Variants in TLK2 observed in about 807,000 individuals in gnomAD.
TLK2 encodes the protein tousled like kinase 2, also known as serine/threonine-protein kinase tousled-like 2.
In TLK2, 6 loss-of-function variants were observed where a neutral mutation model predicts 117.3. The ratio of observed to expected loss-of-function variants is 0.05; its 90% CI spans 0.03 to 0.10. The LOEUF is 0.10. Ranked by LOEUF, TLK2 falls within the 10% of genes least tolerant of loss-of-function variation. The pLI, the probability that TLK2 is intolerant of heterozygous loss-of-function variation, is 1.00. For synonymous variants in TLK2, 257 were observed against 316.7 expected (o/e 0.81, Z 2.00); for missense variants, 299 against 901.2 (o/e 0.33, Z 8.56).
chr17:62,614,025 G>A lies in TLK2; in HGVS notation c.*1460G>A, dbSNP rs2083962018. 1 of 151,280 alleles carries A rather than the reference G, an allele frequency of 6.6e-6. No homozygotes were observed. The highest frequency in any genetic ancestry group is 1.5e-5 in the Non-Finnish European group (1 of 67,906). The allele number at this position is 151,280 out of a possible 1,614,324, so 9.4% of individuals were successfully genotyped here. On this transcript the variant is annotated 3_prime_UTR_variant, in exon 22 of 22. Transcript: ENST00000346027. ...TCTAGTCCCAGCTACCCGGGAGGCT[G>A]AGGCAGGAGAATTTCTGGAACCCAG...
At chr17:62,496,812 C>T (rs1273681022) in intron 2 of TLK2, among the ~76,000 whole-genome samples, 1 of 151,870 alleles carries the variant, frequency 6.6e-6, no homozygotes, top group African/African-American at 2.4e-5. Flanking sequence ...AAAAAATTAG[C>T]TGGGCATGGT....
At chr17:62,542,280 A>G (rs1048673356) in intron 7 of TLK2, among the ~76,000 whole-genome samples, 9 of 152,128 alleles carry the variant, frequency 5.9e-5, no homozygotes, top group Non-Finnish European at 4.4e-5. Flanking sequence ...TGTGTTCCTT[A>G]TTTAATCTTA....
chr17:62,506,755 A>C (rs1319024434), intron 2 of TLK2, among the ~76,000 whole-genome samples: 1 of 152,108 alleles, frequency 6.6e-6, no homozygotes, highest in Non-Finnish European at 1.5e-5. Flanking sequence ...TTAAATATTG[A>C]ATTTGTTCTC....
At chr17:62,561,082 G>GT (rs1002883808) in intron 10 of TLK2, among the ~76,000 whole-genome samples, 2 of 151,928 alleles carry the variant, frequency 1.3e-5, no homozygotes, top group African/African-American at 4.8e-5. Context: ...GCAGTGTTTG[G>GT]TTTTTTTGTC....
intron 16 of TLK2, among the ~76,000 whole-genome samples, chr17:62,591,389 T>C (rs1461069926): frequency 4.6e-5 from 7 of 150,790 alleles, no homozygotes; most frequent in Non-Finnish European, 1.0e-4. Context: ...GGAGCTACTT[T>C]GGAATTGAGG....
rs899865122 is a variant in TLK2, at chr17:62,483,833, G to GT, written c.81+2637dup. Among the ~76,000 whole-genome samples, 123 of 145,414 alleles carry GT rather than the reference G, an allele frequency of 8.5e-4. 1 individual carries two copies. Among genetic ancestry groups the GT allele is most frequent in the South Asian group, 4.6e-3 (21 of 4,522 alleles). On this transcript the variant is annotated intron_variant, in intron 2 of 21. Coordinates refer to ENST00000346027, the MANE Select transcript of TLK2 (RefSeq NM_006852.6). ...TCCAGTTGTTTTTATTCCATTAGTT[G>GT]TTTTTTTTTTGAGACAGAGTTTTGC... is the stretch of plus-strand genomic sequence containing the variant.
At chr17:62,576,897 T>G in intron 13 of TLK2, 122 bp downstream of exon 13, 1 of 691,036 alleles carries the variant, frequency 1.4e-6, no homozygotes, top group Non-Finnish European at 2.6e-6. Context: ...AAAGCTTCAG[T>G]GACTGCTTTC....
At chr17:62,548,240 A>G (rs2465442) in intron 7 of TLK2, among the ~76,000 whole-genome samples, 67,876 of 121,662 alleles carry the variant, frequency 0.56, 22,200 homozygotes, top group Non-Finnish European at 0.72. Flanking sequence ...ATATATATAT[A>G]TGTGTGTGTG....
intron 6 of TLK2, among the ~76,000 whole-genome samples, chr17:62,533,472 GT>G (rs2076897049): frequency 6.8e-6 from 1 of 147,848 alleles, no homozygotes. Flanking sequence ...CTGTGTGTGT[GT>G]GTGTAATTTT....
intron 7 of TLK2, among the ~76,000 whole-genome samples, chr17:62,540,587 T>C (rs1199744360): frequency 1.3e-5 from 2 of 149,490 alleles, no homozygotes; most frequent in Non-Finnish European, 3.0e-5. Context: ...TTAGTAGAGA[T>C]AGGGTTTCAC....
At chr17:62,603,862 T>C (rs935146819) in intron 19 of TLK2, among the ~76,000 whole-genome samples, 2 of 152,202 alleles carry the variant, frequency 1.3e-5, no homozygotes, top group Non-Finnish European at 2.9e-5. Flanking sequence ...AATACTGTCA[T>C]AATCACTATC....
intron 9 of TLK2, among the ~76,000 whole-genome samples, chr17:62,556,662 T>A (rs368026173): frequency 1.3e-5 from 2 of 152,224 alleles, no homozygotes; most frequent in Admixed American, 6.5e-5. Context: ...CACCATAATT[T>A]GTTAAATATT....
chr17:62,523,231 A>T (rs919691616), intron 5 of TLK2, 54 bp downstream of exon 5: 15 of 1,573,850 alleles, frequency 9.5e-6, no homozygotes, highest in Non-Finnish European at 1.2e-5. Context: ...AAAAAACTCT[A>T]TAGTGATTTT....
intron 7 of TLK2, among the ~76,000 whole-genome samples, chr17:62,543,923 T>G (rs2077720933): frequency 6.6e-6 from 1 of 152,186 alleles, no homozygotes; most frequent in South Asian, 2.1e-4. Flanking sequence ...TCAAGAAAAT[T>G]TACTCTTATA....
rs2077789289 is a variant in TLK2, at chr17:62,544,884, G to T, written c.532-7418G>T. 1.3e-5 allele frequency among the ~76,000 whole-genome samples: 2 copies of T among 152,062 alleles called. 1 individual carries two copies. The highest frequency in any genetic ancestry group is 4.8e-5 in the African/African-American group (2 of 41,428). The stretch of plus-strand genomic sequence containing the variant: ...CTTTGATTTCTTTCAACAATGTTTT[G>T]CAACTTGCAATATATAGTCCTATAT... On this transcript the variant is annotated intron_variant, in intron 7 of 21. Transcript: ENST00000346027.
intron 17 of TLK2, 69 bp downstream of exon 17, chr17:62,596,743 G>C (rs2082505628): frequency 1.5e-6 from 2 of 1,372,348 alleles, no homozygotes; most frequent in Non-Finnish European, 2.1e-6. Flanking sequence ...TCATGGAATA[G>C]AGCTGAACTC....
At chr17:62,475,911 C>T (rs576224381), upstream of TLK2, among the ~76,000 whole-genome samples, 4 of 151,290 alleles carry the variant, frequency 2.6e-5, no homozygotes, top group South Asian at 4.2e-4. Context: ...TCCACCGCCT[C>T]GGCCTCCCAA....
At chr17:62,559,370 T>TA (rs982524286) in intron 9 of TLK2, among the ~76,000 whole-genome samples, 4 of 151,984 alleles carry the variant, frequency 2.6e-5, no homozygotes, top group Non-Finnish European at 2.9e-5. Context: ...GTAGTTTATT[T>TA]TTTTTTTATT....
intron 2 of TLK2, among the ~76,000 whole-genome samples, chr17:62,501,473 C>T (rs1168257504): frequency 6.6e-6 from 1 of 152,118 alleles, no homozygotes; most frequent in African/African-American, 2.4e-5. Flanking sequence ...TGGCTCACTC[C>T]TGTAATCCCA....
Sources: allele counts gnomAD v4.1 joint callset (sites outside exome capture counted in the v4.1 genomes callset), GRCh38; gene constraint gnomAD v4.1.1; transcripts MANE v1.5; gene names NCBI Gene and HGNC (gene_info 2026-07-23, HGNC 2026-07-21).